The following NOPCHAP1 variants were observed in gnomAD, a reference collection of about 807,000 sequenced individuals.
NOPCHAP1 encodes NOP protein chaperone 1.
In NOPCHAP1, 13 loss-of-function variants were observed where a neutral mutation model predicts 14.0. That is an observed-to-expected ratio of 0.93 (90% CI 0.60 to 1.47). The LOEUF (loss-of-function observed/expected upper bound fraction) is 1.47. Ranked by LOEUF, NOPCHAP1 falls within the 40% of genes most tolerant of loss-of-function variation. The pLI is 0.00. For missense variants in NOPCHAP1, 230 were observed against 226.9 expected (o/e 1.01, Z -0.09); for synonymous variants, 78 against 78.4 (o/e 1.00, Z 0.03).
chr12:104,997,455 C>T lies in NOPCHAP1; in HGVS notation c.*2759C>T, dbSNP rs953996902. The T allele has an allele frequency of 6.6e-6, 1 of 152,142 alleles. No homozygotes were observed. Among genetic ancestry groups the T allele is most frequent in the Non-Finnish European group, 1.5e-5 (1 of 68,024 alleles). 9.4% of individuals were successfully genotyped at this position (152,142 alleles called of 1,614,324 possible). A position where few individuals can be genotyped will look rare whatever the true frequency, so the allele number is the denominator to read the frequency against. On this transcript the variant is annotated 3_prime_UTR_variant, in exon 4 of 4. Coordinates refer to ENST00000552951, the MANE Select transcript of NOPCHAP1 (RefSeq NM_152318.3). Reference sequence around the variant, plus strand: ...TGTATACATATGTAACTAACCAGCACATTGTGCACATGTACCCTAAAACTT... The same window carrying T: ...TGTATACATATGTAACTAACCAGCATATTGTGCACATGTACCCTAAAACTT...
rs1041386605 is a variant in NOPCHAP1 at position 105,009,366 on chromosome 12, G to A, written c.*14670G>A. The stretch of plus-strand genomic sequence containing the variant: ...TTGCTTATCAGCTTAAGGAGTTTTT[G>A]GGCTAAGATGATGGGGTTTTCTAAA... On this transcript the variant is annotated 3_prime_UTR_variant, in exon 4 of 4. Transcript: ENST00000552951. 3 of 152,132 alleles carry A rather than the reference G, an allele frequency of 2.0e-5. No individual in the cohort carries two copies. Among genetic ancestry groups the A allele is most frequent in the Non-Finnish European group, 2.9e-5 (2 of 68,016 alleles). The allele number at this position is 152,132 out of a possible 1,614,324, so 9.4% of individuals were successfully genotyped here.
In NOPCHAP1 at chr12:105,008,179, A is replaced by G. The variant is rs1386655795; in HGVS notation, c.*13483A>G. 1 of 152,130 alleles carries G rather than the reference A, an allele frequency of 6.6e-6. No individual in the cohort carries two copies. Among genetic ancestry groups the G allele is most frequent in the Non-Finnish European group, 1.5e-5 (1 of 68,020 alleles). The allele number at this position is 152,130 out of a possible 1,614,324, so 9.4% of individuals were successfully genotyped here. A position where few individuals can be genotyped will look rare whatever the true frequency, so the allele number is the denominator to read the frequency against. ...AGCATCTGTTGTTTCCTGACTTTTT[A>G]ATGATCGCCATTCTAACTGGTAACT... is the stretch of plus-strand genomic sequence containing the variant. On this transcript the variant is annotated 3_prime_UTR_variant, in exon 4 of 4. Coordinates refer to ENST00000552951, the MANE Select transcript of NOPCHAP1 (RefSeq NM_152318.3).
At chr12:104,988,889 C>A (rs367552872) in intron 2 of NOPCHAP1, among the ~76,000 whole-genome samples, 130 of 152,246 alleles carry the variant, frequency 8.5e-4, no homozygotes, top group African/African-American at 3.0e-3. Context: ...ACTAAATCTA[C>A]AATAGCTGAA....
Position 105,011,723 on chromosome 12 carries a change from G to A in NOPCHAP1, c.*17027G>A, listed in dbSNP as rs1169619160. 1 of 152,154 alleles carries A rather than the reference G, an allele frequency of 6.6e-6. No homozygotes were observed. The highest frequency in any genetic ancestry group is 2.4e-5 in the African/African-American group (1 of 41,424). 9.4% of individuals were successfully genotyped at this position (152,154 alleles called of 1,614,324 possible). A position where few individuals can be genotyped will look rare whatever the true frequency, so the allele number is the denominator to read the frequency against. ...CTCTCAGCATTTGCTTGTCTGTAAA[G>A]GATTTTATTTCTCGTTCGCTTATGA... On this transcript the variant is annotated 3_prime_UTR_variant, in exon 4 of 4. Coordinates refer to ENST00000552951, the MANE Select transcript of NOPCHAP1 (RefSeq NM_152318.3).
At position 105,003,717 on chromosome 12, in the gene NOPCHAP1, A is replaced by T. The variant is rs1372474652; in HGVS notation, c.*9021A>T. ...TGTTTGAGCAAAGAACAATTTTATGAATTAGCACTCAAAACTGAAAGGTTC... is the reference window on the plus strand; with the variant it reads ...TGTTTGAGCAAAGAACAATTTTATGTATTAGCACTCAAAACTGAAAGGTTC... On this transcript the variant is annotated 3_prime_UTR_variant, in exon 4 of 4. Coordinates refer to ENST00000552951, the MANE Select transcript of NOPCHAP1 (RefSeq NM_152318.3). 1 of 152,242 alleles carries T rather than the reference A, an allele frequency of 6.6e-6. No individual in the cohort carries two copies. The highest frequency in any genetic ancestry group is 2.4e-5 in the African/African-American group (1 of 41,468). 9.4% of individuals were successfully genotyped at this position (152,242 alleles called of 1,614,324 possible). A position where few individuals can be genotyped will look rare whatever the true frequency, so the allele number is the denominator to read the frequency against.
At chr12:104,994,199 G>A (rs1316136873) in intron 3 of NOPCHAP1, among the ~76,000 whole-genome samples, 1 of 152,078 alleles carries the variant, frequency 6.6e-6, no homozygotes, top group Non-Finnish European at 1.5e-5. Flanking sequence ...ACAAAAATTA[G>A]CTGGATGTGA....
chr12:105,017,610 A>G lies in NOPCHAP1; in HGVS notation c.*22914A>G, dbSNP rs570432613. ...TTCACTCAGTTGGAATATATAATAA[A>G]TGTTCATTAAACTGACTATTGTTTC... On this transcript the variant is annotated 3_prime_UTR_variant, in exon 4 of 4. Coordinates refer to ENST00000552951, the MANE Select transcript of NOPCHAP1 (RefSeq NM_152318.3). 1 of 152,218 alleles carries G rather than the reference A, an allele frequency of 6.6e-6. No homozygotes were observed. The highest frequency in any genetic ancestry group is 1.9e-4 in the East Asian group (1 of 5,194). 9.4% of individuals were successfully genotyped at this position (152,218 alleles called of 1,614,324 possible).
rs1592750181 is a variant in NOPCHAP1 at position 104,999,483 on chromosome 12, TGAG to T, written c.*4791_*4793del. The T allele has an allele frequency of 6.6e-6, 1 of 152,346 alleles. No homozygotes were observed. The highest frequency in any genetic ancestry group is 1.9e-4 in the East Asian group (1 of 5,198). 9.4% of individuals were successfully genotyped at this position (152,346 alleles called of 1,614,324 possible). ...GAGGCCCAGGGAGAGGTCAGGAAAC[TGAG>T]GAGTGCTTAGTTCCGATCGGCCAGG... is the stretch of plus-strand genomic sequence containing the variant. On this transcript the variant is annotated 3_prime_UTR_variant, in exon 4 of 4. Transcript: ENST00000552951.
In NOPCHAP1 at chr12:105,011,181, T is replaced by G. The variant is rs1038149536; in HGVS notation, c.*16485T>G. 2 of 152,216 alleles carry G rather than the reference T, an allele frequency of 1.3e-5. No homozygotes were observed. The highest frequency in any genetic ancestry group is 2.9e-5 in the Non-Finnish European group (2 of 68,030). 9.4% of individuals were successfully genotyped at this position (152,216 alleles called of 1,614,324 possible). On this transcript the variant is annotated 3_prime_UTR_variant, in exon 4 of 4. Coordinates refer to ENST00000552951, the MANE Select transcript of NOPCHAP1 (RefSeq NM_152318.3). ...GCTCCTGTATTGGGTGCATATATAT[T>G]TAGGATAGTTAGCTCTTCTTGTTGG...
intron 2 of NOPCHAP1, among the ~76,000 whole-genome samples, chr12:104,990,243 A>G (rs1873343270): frequency 6.6e-6 from 1 of 152,208 alleles, no homozygotes; most frequent in Non-Finnish European, 1.5e-5. Context: ...CTCCTAGAGT[A>G]CCACGGAATT....
chr12:105,003,957 G>A lies in NOPCHAP1; in HGVS notation c.*9261G>A, dbSNP rs554712385. 1 of 152,280 alleles carries A rather than the reference G, an allele frequency of 6.6e-6. No individual in the cohort carries two copies. Among genetic ancestry groups the A allele is most frequent in the Admixed American group, 6.5e-5 (1 of 15,298 alleles). The allele number at this position is 152,280 out of a possible 1,614,324, so 9.4% of individuals were successfully genotyped here. A position where few individuals can be genotyped will look rare whatever the true frequency, so the allele number is the denominator to read the frequency against. On this transcript the variant is annotated 3_prime_UTR_variant, in exon 4 of 4. Transcript: ENST00000552951. The stretch of plus-strand genomic sequence containing the variant: ...TTACAAAAGTATTCTGCTAAGTTAG[G>A]TTTTGGTTTGTTTATTACTGAGGTA...
chr12:104,987,303 T>C (rs914232540), intron 1 of NOPCHAP1, among the ~76,000 whole-genome samples: 1 of 152,226 alleles, frequency 6.6e-6, no homozygotes, highest in African/African-American at 2.4e-5. Flanking sequence ...AAATCTGTTA[T>C]CTCTGTTTTA....
Position 104,991,829 on chromosome 12 carries a change from A to G in NOPCHAP1, c.320A>G (p.His107Arg). Residue 107 changes from histidine (H) to arginine (R), a missense_variant, in exon 3 of 4, where the codon CAT (histidine) becomes CGT (arginine). By Grantham distance (29) the His-to-Arg change is conservative. Coordinates refer to ENST00000552951, the MANE Select transcript of NOPCHAP1 (RefSeq NM_152318.3). Reference sequence around the variant, plus strand: ...AATATTGAAAACATTGATGGGCCTCATAGTAAAGTTATACAAATGGTAACT... The same window carrying G: ...AATATTGAAAACATTGATGGGCCTCGTAGTAAAGTTATACAAATGGTAACT... ...RFNIENIDGPHSKVIQMDVAL... is the reference protein window; with the variant it reads ...RFNIENIDGPRSKVIQMDVAL... 2 of 1,610,138 alleles carry G rather than the reference A, an allele frequency of 1.2e-6. No individual in the cohort carries two copies. Among genetic ancestry groups the G allele is most frequent in the Middle Eastern group, 1.7e-4 (1 of 6,052 alleles).
intron 3 of NOPCHAP1, among the ~76,000 whole-genome samples, chr12:104,993,402 C>T (rs900114257): frequency 2.0e-5 from 3 of 152,100 alleles, no homozygotes; most frequent in African/African-American, 4.8e-5. Context: ...TTCAGGTGCA[C>T]CTGGATCCAG....
At position 104,996,389 on chromosome 12, in the gene NOPCHAP1, G is replaced by A. The variant is rs1873502492; in HGVS notation, c.*1693G>A. The A allele has an allele frequency of 6.7e-6, 1 of 149,688 alleles. No individual in the cohort carries two copies. The highest frequency in any genetic ancestry group is 2.5e-5 in the African/African-American group (1 of 40,444). The allele number at this position is 149,688 out of a possible 1,614,324, so 9.3% of individuals were successfully genotyped here. On this transcript the variant is annotated 3_prime_UTR_variant, in exon 4 of 4. Transcript: ENST00000552951. ...CATTTTTTTTTTTTTTAACTTTTAG[G>A]TTCAGAGGTACATGTGGAGGTTTGT...
rs1873233297 is a variant in NOPCHAP1 at position 104,986,425 on chromosome 12, G to A, written c.73G>A (p.Val25Met). The A allele has an allele frequency of 6.2e-7, 1 of 1,611,404 alleles. No homozygotes were observed. Among genetic ancestry groups the A allele is most frequent in the African/African-American group, 1.3e-5 (1 of 74,830 alleles). ...SPTRDSSGVP[V>M]SKELLTAGSD... ...CACCCGGGATTCCTCAGGAGTCCCAGTGTCCAAGGAGCTGCTGACGGCGGG... is the reference window on the plus strand; with the variant it reads ...CACCCGGGATTCCTCAGGAGTCCCAATGTCCAAGGAGCTGCTGACGGCGGG... Residue 25 changes from valine to methionine, a missense_variant, in exon 1 of 4, where the codon GTG becomes ATG. Coordinates refer to ENST00000552951, the MANE Select transcript of NOPCHAP1 (RefSeq NM_152318.3).
chr12:105,007,429 C>G lies in NOPCHAP1; in HGVS notation c.*12733C>G, dbSNP rs1873729055. The G allele has an allele frequency of 6.6e-6, 1 of 152,166 alleles. No homozygotes were observed. The highest frequency in any genetic ancestry group is 2.4e-5 in the African/African-American group (1 of 41,430). The allele number at this position is 152,166 out of a possible 1,614,324, so 9.4% of individuals were successfully genotyped here. A position where few individuals can be genotyped will look rare whatever the true frequency, so the allele number is the denominator to read the frequency against. On this transcript the variant is annotated 3_prime_UTR_variant, in exon 4 of 4. Transcript: ENST00000552951. ...TTTTTCTTGTAATGTCATGACTTTT[C>G]TCTGCTTCTTGGAAGAAATTCCAAC...
Position 104,996,065 on chromosome 12 carries a change from G to A in NOPCHAP1, c.*1369G>A, listed in dbSNP as rs1304109772. 6.6e-6 allele frequency: 1 copy of A among 152,104 alleles called. No homozygotes were observed. The highest frequency in any genetic ancestry group is 1.5e-5 in the Non-Finnish European group (1 of 68,022). 9.4% of individuals were successfully genotyped at this position (152,104 alleles called of 1,614,324 possible). A position where few individuals can be genotyped will look rare whatever the true frequency, so the allele number is the denominator to read the frequency against. On this transcript the variant is annotated 3_prime_UTR_variant, in exon 4 of 4. Coordinates refer to ENST00000552951, the MANE Select transcript of NOPCHAP1 (RefSeq NM_152318.3). ...TCAATTGCTGACCATTTTAGACTCTGATAATAGGAGGTATTTATGGGGACT... is the reference window on the plus strand; with the variant it reads ...TCAATTGCTGACCATTTTAGACTCTAATAATAGGAGGTATTTATGGGGACT...
Position 104,994,588 on chromosome 12 carries a change from C to T in NOPCHAP1, c.450C>T (p.Asp150=). The T allele has an allele frequency of 2.5e-6, 4 of 1,613,050 alleles. No individual in the cohort carries two copies. In the South Asian group the frequency reaches 4.4e-5, roughly 18 times the overall value. The change falls in exon 4 of 4, where the codon GAC becomes GAT. Residue 150 remains aspartate (D), a synonymous_variant. Transcript: ENST00000552951. ...GTTCAGAATCAGAAGACGAAGATGA[C>T]AGCATCCCATCTGAAGTCACCATAG... ...ENSSESEDED[D]SIPSEVTIDN... is the part of the protein sequence containing the mutation.
Sources: gnomAD v4.1 joint callset for allele counts (sites outside exome capture counted in the v4.1 genomes callset) on GRCh38, gnomAD v4.1.1 for gene constraint, MANE v1.5 for transcripts, NCBI Gene and HGNC (gene_info 2026-07-23, HGNC 2026-07-21) for gene names.